The following NSL1 variants were observed in gnomAD, a reference collection of about 807,000 sequenced individuals.
NSL1 encodes kinetochore-associated protein NSL1 homolog.
In NSL1, 11 loss-of-function variants were observed where a neutral mutation model predicts 25.4. The ratio of observed to expected loss-of-function variants is 0.43; its 90% CI spans 0.27 to 0.72. NSL1 has a LOEUF of 0.72. Among genes scored for constraint, NSL1 ranks in the 30% least tolerant of loss-of-function variants. The probability of loss-of-function intolerance (pLI) is 0.19; values close to 1 mark genes in which losing one functional copy is unlikely to be tolerated. For missense variants in NSL1, 330 were observed against 342.7 expected (o/e 0.96, Z 0.29); for synonymous variants, 118 against 120.6 (o/e 0.98, Z 0.14).
Position 212,728,332 on chromosome 1 carries a change from C to A in NSL1, c.*10076G>T. The stretch of plus-strand genomic sequence containing the variant: ...AGGCATAAAGTGGATTCTTTATATG[C>A]CTGTTTTAAAAATATGCTGCTTTAA... On this transcript the variant is annotated 3_prime_UTR_variant, in exon 6 of 6. Transcript: ENST00000366977. 1 of 985,092 alleles carries A rather than the reference C, an allele frequency of 1.0e-6. No individual in the cohort carries two copies. Among genetic ancestry groups the A allele is most frequent in the Non-Finnish European group, 1.2e-6 (1 of 829,700 alleles). The allele number at this position is 985,092 out of a possible 1,614,324, so 61.0% of individuals were successfully genotyped here. A position where few individuals can be genotyped will look rare whatever the true frequency, so the allele number is the denominator to read the frequency against.
intron 4 of NSL1, among the ~76,000 whole-genome samples, chr1:212,759,769 T>C (rs1487621084): frequency 6.6e-6 from 1 of 151,738 alleles, no homozygotes; most frequent in Non-Finnish European, 1.5e-5. Context: ...CTGAACCCAA[T>C]AGTAAAACCA....
intron 4 of NSL1, among the ~76,000 whole-genome samples, chr1:212,778,571 G>A (rs1425454295): frequency 6.6e-6 from 1 of 152,140 alleles, no homozygotes; most frequent in Non-Finnish European, 1.5e-5. Flanking sequence ...ACTGGTTTTC[G>A]TATTTTTTTG....
intron 4 of NSL1, among the ~76,000 whole-genome samples, chr1:212,741,999 C>T (rs74138631): frequency 0.025 from 3,745 of 152,234 alleles, 132 homozygotes; most frequent in African/African-American, 0.083. Flanking sequence ...CATCATTGCA[C>T]TAATTTGTGT....
At position 212,782,068 on chromosome 1, in the gene NSL1, T is replaced by C. The variant is rs376384356; in HGVS notation, c.499+304A>G. 106 of 611,664 alleles carry C rather than the reference T, an allele frequency of 1.7e-4. 2 individuals carry two copies. Among genetic ancestry groups the C allele is most frequent in the Middle Eastern group, 5.5e-4 (2 of 3,654 alleles). 37.9% of individuals were successfully genotyped at this position (611,664 alleles called of 1,614,324 possible). On this transcript the variant is annotated intron_variant, in intron 4 of 5. Coordinates refer to ENST00000366977, the MANE Select transcript of NSL1 (RefSeq NM_015471.4). ...CTTTGGCTGTAATGCAAAGAATAGA[T>C]AGTACAATGACAGAGATAGGAGGGT...
chr1:212,779,046 C>A (rs1486433167), intron 4 of NSL1, among the ~76,000 whole-genome samples: 2 of 144,648 alleles, frequency 1.4e-5, no homozygotes, highest in Non-Finnish European at 3.0e-5. Context: ...CGCCTCTGCC[C>A]GGCCACGACC....
At chr1:212,748,998 C>G (rs1658935467) in intron 4 of NSL1, among the ~76,000 whole-genome samples, 1 of 151,942 alleles carries the variant, frequency 6.6e-6, no homozygotes, top group Non-Finnish European at 1.5e-5. Context: ...ATAATAGGCA[C>G]AGTATTAAAA....
chr1:212,730,029 T>C lies in NSL1; in HGVS notation c.*8379A>G, dbSNP rs1412950047. On this transcript the variant is annotated 3_prime_UTR_variant, in exon 6 of 6. Coordinates refer to ENST00000366977, the MANE Select transcript of NSL1 (RefSeq NM_015471.4). Reference sequence around the variant, plus strand: ...ACTTTGGGAGGCCAGGGCGAGTGGATCACCTGAGGTCAGGAGTTCGAGACC... The same window carrying C: ...ACTTTGGGAGGCCAGGGCGAGTGGACCACCTGAGGTCAGGAGTTCGAGACC... The C allele has an allele frequency of 1.0e-6, 1 of 957,824 alleles. No individual in the cohort carries two copies. Among genetic ancestry groups the C allele is most frequent in the Non-Finnish European group, 1.2e-6 (1 of 805,458 alleles). 59.3% of individuals were successfully genotyped at this position (957,824 alleles called of 1,614,324 possible).
chr1:212,784,652 T>A (rs1221718660), intron 2 of NSL1, among the ~76,000 whole-genome samples, 159 bp from the exon 3 acceptor site: 1 of 152,256 alleles, frequency 6.6e-6, no homozygotes, highest in East Asian at 1.9e-4. Context: ...GTGATTAATT[T>A]ATTTACGCAT....
intron 1 of NSL1, among the ~76,000 whole-genome samples, chr1:212,790,574 C>T (rs1468261405): frequency 6.6e-6 from 1 of 152,074 alleles, no homozygotes; most frequent in African/African-American, 2.4e-5. Context: ...AATTTAAAAG[C>T]TCATAATACC....
chr1:212,771,413 A>G (rs1338135091), intron 4 of NSL1, among the ~76,000 whole-genome samples: 4 of 152,186 alleles, frequency 2.6e-5, no homozygotes, highest in Non-Finnish European at 5.9e-5. Flanking sequence ...GAATGAGGAA[A>G]AGCTAAAAGT....
At chr1:212,745,241 AGAG>A (rs1658734688) in intron 4 of NSL1, among the ~76,000 whole-genome samples, 1 of 150,874 alleles carries the variant, frequency 6.6e-6, no homozygotes, top group Non-Finnish European at 1.5e-5. Flanking sequence ...CAGAAGGGGA[AGAG>A]AAGAGACAGG....
intron 1 of NSL1, among the ~76,000 whole-genome samples, chr1:212,789,769 T>C (rs982508907): frequency 6.6e-6 from 1 of 152,178 alleles, no homozygotes; most frequent in Admixed American, 6.5e-5. Context: ...AAATAGGATA[T>C]AATAGGTTAA....
chr1:212,739,623 G>C, intron 4 of NSL1, 22 bp from the exon 5 acceptor site: 2 of 1,610,002 alleles, frequency 1.2e-6, no homozygotes, highest in Non-Finnish European at 1.7e-6. Flanking sequence ...TTGCCAAACA[G>C]TATTTTAGGT....
intron 4 of NSL1, among the ~76,000 whole-genome samples, chr1:212,741,395 C>T (rs1213367226): frequency 8.5e-5 from 13 of 152,146 alleles, no homozygotes; most frequent in Admixed American, 8.5e-4. Flanking sequence ...AATCTCATGT[C>T]GAATCATAAT....
At position 212,784,426 on chromosome 1, in the gene NSL1, C is replaced by T. The variant is rs1482083979; in HGVS notation, c.381G>A (p.Lys127=). The T allele has an allele frequency of 1.3e-6, 2 of 1,599,922 alleles. No individual in the cohort carries two copies. Among genetic ancestry groups the T allele is most frequent in the South Asian group, 1.1e-5 (1 of 89,392 alleles). Residue 127 remains lysine (K), a synonymous_variant, in exon 3 of 6, where the codon AAG becomes AAA. Transcript: ENST00000366977. ...ATTCCAGGATCTTTCTGGGATACTG[C>T]TTACGTTTTGTGGCTATATCTACTA... ...EIIVDIATKR[K]QYPRKILECV...
At chr1:212,768,319 CAAAAAA>C (rs34528216) in intron 4 of NSL1, among the ~76,000 whole-genome samples, 6 of 68,908 alleles carry the variant, frequency 8.7e-5, no homozygotes, top group Non-Finnish European at 1.5e-4. Context: ...GACTCCGTCT[CAAAAAA>C]AAAAAAAAAA....
At chr1:212,762,343 A>C (rs1468873871) in intron 4 of NSL1, among the ~76,000 whole-genome samples, 1 of 151,486 alleles carries the variant, frequency 6.6e-6, no homozygotes, top group Non-Finnish European at 1.5e-5. Flanking sequence ...AAGTTTACGA[A>C]TTTGTGTTAG....
chr1:212,759,229 T>G (rs1659448745), intron 4 of NSL1, among the ~76,000 whole-genome samples: 1 of 152,138 alleles, frequency 6.6e-6, no homozygotes, highest in Non-Finnish European at 1.5e-5. Context: ...ATTTCTGTGC[T>G]TCAAAGAACA....
intron 2 of NSL1, 32 bp from the exon 3 acceptor site, chr1:212,784,525 AG>A: frequency 7.1e-7 from 1 of 1,402,114 alleles, no homozygotes; most frequent in Non-Finnish European, 9.7e-7. Context: ...ATATATAAAA[AG>A]TTCCCTAAAA....
Sources: gnomAD v4.1 joint callset for allele counts (sites outside exome capture counted in the v4.1 genomes callset) on GRCh38, gnomAD v4.1.1 for gene constraint, MANE v1.5 for transcripts, NCBI Gene and HGNC (gene_info 2026-07-23, HGNC 2026-07-21) for gene names.